PCSK5: variants seen among roughly 807,000 people sequenced by gnomAD.
The protein encoded by PCSK5 is prohormone convertase 5.
PCSK5 carries 129 observed loss-of-function variants against 233.2 expected under a neutral mutation model. The ratio of observed to expected loss-of-function variants is 0.55; its 90% CI spans 0.48 to 0.64. The LOEUF (loss-of-function observed/expected upper bound fraction) is 0.64. Among genes scored for constraint, PCSK5 ranks in the 30% least tolerant of loss-of-function variants. The pLI, the probability that PCSK5 is intolerant of heterozygous loss-of-function variation, is 0.00. For missense variants in PCSK5, 2,076 were observed against 2,430.1 expected (o/e 0.85, Z 3.06); for synonymous variants, 825 against 879.2 (o/e 0.94, Z 1.09).
At chr9:76,266,345 C>T (rs1360500546) in intron 24 of PCSK5, among the ~76,000 whole-genome samples, 2 of 152,152 alleles carry the variant, frequency 1.3e-5, no homozygotes, top group African/African-American at 2.4e-5. Context: ...TTACATGGTA[C>T]TTACTATATG....
At chr9:76,171,385 A>C (rs902246991) in intron 13 of PCSK5, among the ~76,000 whole-genome samples, 1 of 152,214 alleles carries the variant, frequency 6.6e-6, no homozygotes, top group Non-Finnish European at 1.5e-5. Flanking sequence ...AAACACTGTC[A>C]AATGTGGCAG....
At chr9:76,260,622 A>G (rs1274542565) in intron 24 of PCSK5, among the ~76,000 whole-genome samples, 1 of 152,174 alleles carries the variant, frequency 6.6e-6, no homozygotes, top group Non-Finnish European at 1.5e-5. Context: ...CTACAACTGC[A>G]AAGAACCGAA....
chr9:76,360,291 T>C lies in PCSK5; in HGVS notation c.*1369T>C, dbSNP rs767055180. 4.1e-4 allele frequency: 62 copies of C among 152,230 alleles called. No individual in the cohort carries two copies. Among genetic ancestry groups the C allele is most frequent in the African/African-American group, 1.5e-3 (62 of 41,434 alleles). The allele number at this position is 152,230 out of a possible 1,614,324, so 9.4% of individuals were successfully genotyped here. A position where few individuals can be genotyped will look rare whatever the true frequency, so the allele number is the denominator to read the frequency against. ...CACTTATCCATTTTGGTACTTACCA[T>C]ACTCCCATGAGGTTGGTATTGCTAT... On this transcript the variant is annotated 3_prime_UTR_variant, in exon 38 of 38. Transcript: ENST00000674117.
At chr9:76,179,282 T>A (rs566361986) in intron 14 of PCSK5, among the ~76,000 whole-genome samples, 28 of 152,352 alleles carry the variant, frequency 1.8e-4, no homozygotes, top group African/African-American at 2.6e-4. Context: ...TTGGTTTTTT[T>A]CCAGTTGCTA....
intron 8 of PCSK5, among the ~76,000 whole-genome samples, chr9:76,097,261 T>C (rs1351416657): frequency 7.9e-6 from 1 of 126,726 alleles, no homozygotes; most frequent in Non-Finnish European, 1.6e-5. Flanking sequence ...TTTTTTTTTT[T>C]TTTTTTTTTG....
chr9:75,997,752 A>G (rs1327240931), intron 3 of PCSK5, among the ~76,000 whole-genome samples: 2 of 152,206 alleles, frequency 1.3e-5, no homozygotes, highest in East Asian at 1.9e-4. Context: ...CCATGATTAA[A>G]AAGAGGAAAA....
At chr9:76,076,264 G>C (rs1345849069) in intron 7 of PCSK5, among the ~76,000 whole-genome samples, 1 of 152,166 alleles carries the variant, frequency 6.6e-6, no homozygotes, top group Non-Finnish European at 1.5e-5. Flanking sequence ...GAGATGTGTT[G>C]GAGGGGAAGG....
chr9:76,121,228 T>A (rs920403046), intron 9 of PCSK5, among the ~76,000 whole-genome samples: 4 of 152,134 alleles, frequency 2.6e-5, no homozygotes, highest in African/African-American at 9.7e-5. Context: ...TTTGGGTGTT[T>A]CCGTATCTGT....
chr9:75,932,515 G>C (rs1176058317), intron 2 of PCSK5, 32 bp downstream of exon 2: 1 of 1,290,884 alleles, frequency 7.7e-7, no homozygotes, highest in Admixed American at 1.7e-5. Context: ...GGGACCAAGA[G>C]GCAAAGCTTC....
At chr9:76,162,909 G>A (rs918203503) in intron 12 of PCSK5, among the ~76,000 whole-genome samples, 2 of 152,156 alleles carry the variant, frequency 1.3e-5, no homozygotes, top group Admixed American at 6.5e-5. Flanking sequence ...CAAGGCCTTT[G>A]AAGCAGCTCC....
At chr9:76,106,080 G>A (rs1365992920) in intron 8 of PCSK5, among the ~76,000 whole-genome samples, 1 of 152,236 alleles carries the variant, frequency 6.6e-6, no homozygotes, top group Non-Finnish European at 1.5e-5. Flanking sequence ...CTTGAAGGAA[G>A]CACTTTGAAG....
chr9:75,993,403 T>C (rs1826860555), intron 3 of PCSK5, among the ~76,000 whole-genome samples: 1 of 152,154 alleles, frequency 6.6e-6, no homozygotes, highest in Non-Finnish European at 1.5e-5. Flanking sequence ...CTAGACTAGA[T>C]AATTTCTTAA....
Position 76,323,284 on chromosome 9 carries a change from C to T in PCSK5, c.4335C>T (p.Cys1445=). ...ATTATGAAAAGGAGACTAAGGAGTGCAGAGGTAAAGACTTCTGGGATTCAA... is the reference window on the plus strand; with the variant it reads ...ATTATGAAAAGGAGACTAAGGAGTGTAGAGGTAAAGACTTCTGGGATTCAA... ...GTYYEKETKE[C]RDCHKSCLTC... The change falls in exon 32 of 38, where the codon TGC becomes TGT. Residue 1445 remains cysteine, a synonymous_variant. Coordinates refer to ENST00000674117, the MANE Select transcript of PCSK5 (RefSeq NM_001372043.1). 3 of 1,585,874 alleles carry T rather than the reference C, an allele frequency of 1.9e-6. No individual in the cohort carries two copies. The highest frequency in any genetic ancestry group is 1.3e-5 in the African/African-American group (1 of 74,460).
At position 76,285,818 on chromosome 9, in the gene PCSK5, GA is replaced by G. The variant is rs143506106; in HGVS notation, c.3143-6405del. Among the ~76,000 whole-genome samples, 397 of 147,058 alleles carry G rather than the reference GA, an allele frequency of 2.7e-3. 2 individuals carry two copies. The highest frequency in any genetic ancestry group is 9.1e-3 in the African/African-American group (367 of 40,256). On this transcript the variant is annotated intron_variant, in intron 24 of 37. Coordinates refer to ENST00000674117, the MANE Select transcript of PCSK5 (RefSeq NM_001372043.1). The stretch of plus-strand genomic sequence containing the variant: ...ACATGTGAAGAGAATAATAAAATTA[GA>G]AAAAAAAAATAAAGTTAGAAGCATT...
intron 7 of PCSK5, among the ~76,000 whole-genome samples, chr9:76,079,186 C>A (rs1830745510): frequency 6.6e-6 from 1 of 151,788 alleles, no homozygotes; most frequent in Non-Finnish European, 1.5e-5. Flanking sequence ...TCACTGCAAC[C>A]TCCGCCTCTG....
At chr9:76,194,603 GTTTT>G (rs201037106) in intron 20 of PCSK5, 1 of 271,256 alleles carries the variant, frequency 3.7e-6, no homozygotes, top group Admixed American at 5.0e-5. Flanking sequence ...GTTTTTTGGG[GTTTT>G]TTTTTTTTAA....
chr9:76,066,914 T>C (rs552269654), intron 5 of PCSK5, among the ~76,000 whole-genome samples: 3 of 152,254 alleles, frequency 2.0e-5, no homozygotes, highest in Admixed American at 2.0e-4. Context: ...GTATCTCTGG[T>C]CCTCCTAGAT....
chr9:76,136,932 C>T (rs1823008187), intron 10 of PCSK5, among the ~76,000 whole-genome samples: 1 of 152,030 alleles, frequency 6.6e-6, no homozygotes, highest in South Asian at 2.1e-4. Context: ...AAAGCCAACA[C>T]CCCAATGAAT....
intron 24 of PCSK5, among the ~76,000 whole-genome samples, chr9:76,280,928 C>A (rs1411498477): frequency 1.4e-5 from 2 of 146,018 alleles, no homozygotes; most frequent in Admixed American, 6.8e-5. Flanking sequence ...GATAGAAAAT[C>A]AAACCACAAC....
Sources: allele counts gnomAD v4.1 joint callset (sites outside exome capture counted in the v4.1 genomes callset), GRCh38; gene constraint gnomAD v4.1.1; transcripts MANE v1.5; gene names NCBI Gene and HGNC (gene_info 2026-07-23, HGNC 2026-07-21).